Variants in CREB5 observed in about 807,000 individuals in gnomAD.
CREB5 encodes cAMP responsive element binding protein 5.
In CREB5, 19 loss-of-function variants were observed where a neutral mutation model predicts 57.1. The ratio of observed to expected loss-of-function variants is 0.33; its 90% CI spans 0.23 to 0.49. CREB5 has a LOEUF of 0.49. Among genes scored for constraint, CREB5 ranks in the 20% least tolerant of loss-of-function variants. CREB5 has a pLI of 0.99. For synonymous variants in CREB5, 238 were observed against 238.3 expected (o/e 1.00, Z 0.01); for missense variants, 579 against 671.6 (o/e 0.86, Z 1.52).
At chr7:28,369,980 G>A (rs1786673365) in intron 1 of CREB5, among the ~76,000 whole-genome samples, 1 of 152,174 alleles carries the variant, frequency 6.6e-6, no homozygotes, top group Non-Finnish European at 1.5e-5. Flanking sequence ...GAAAACCCTA[G>A]CAGCTACTTT....
At chr7:28,672,367 AT>A (rs1344152696) in intron 5 of CREB5, among the ~76,000 whole-genome samples, 1 of 152,016 alleles carries the variant, frequency 6.6e-6, no homozygotes, top group Non-Finnish European at 1.5e-5. Context: ...ACACATATAA[AT>A]TGGTATTATT....
chr7:28,663,192 G>A (rs1799679775), intron 5 of CREB5, among the ~76,000 whole-genome samples: 1 of 151,706 alleles, frequency 6.6e-6, no homozygotes, highest in Non-Finnish European at 1.5e-5. Flanking sequence ...AAATCTTAGA[G>A]GAAAAGCTCT....
chr7:28,624,592 G>A (rs1797930264), intron 5 of CREB5, among the ~76,000 whole-genome samples: 1 of 149,174 alleles, frequency 6.7e-6, no homozygotes, highest in Admixed American at 6.8e-5. Flanking sequence ...CCTCACCCCA[G>A]TAAATCCTCT....
chr7:28,407,270 C>T (rs113103127), intron 1 of CREB5, among the ~76,000 whole-genome samples: 4 of 152,132 alleles, frequency 2.6e-5, no homozygotes, highest in African/African-American at 9.7e-5. Flanking sequence ...AGGCTGGTCT[C>T]GAACTCCTGA....
At chr7:28,316,134 G>T (rs963138922) in intron 1 of CREB5, among the ~76,000 whole-genome samples, 1 of 152,194 alleles carries the variant, frequency 6.6e-6, no homozygotes, top group Admixed American at 6.5e-5. Flanking sequence ...TTGCGATTCT[G>T]TGGCTTAGTT....
rs751583898 is a variant in CREB5, at chr7:28,819,261, C to T, written c.1509C>T (p.Asp503=). Residue 503 remains aspartate, a synonymous_variant, in exon 11 of 11, where the codon GAC becomes GAT. Transcript: ENST00000357727. ...TLSQLTTHRT[D]LNPIL ...GCCAGCTCACCACTCACAGAACAGA[C>T]CTGAATCCGATTCTTTAAAATGCAC... 41 of 1,613,264 alleles carry T rather than the reference C, an allele frequency of 2.5e-5. No individual in the cohort carries two copies. The highest frequency in any genetic ancestry group is 3.3e-5 in the Non-Finnish European group (39 of 1,179,638).
In CREB5 at chr7:28,560,931, T is replaced by C. The variant is rs1211771000; in HGVS notation, c.292-9434T>C. 4.5e-4 allele frequency among the ~76,000 whole-genome samples: 22 copies of C among 48,546 alleles called. 2 individuals are homozygous for C. The highest frequency in any genetic ancestry group is 3.9e-3 in the East Asian group (7 of 1,796). The allele number at this position is 48,546 out of a possible 152,430, so 31.8% of individuals were successfully genotyped here. On this transcript the variant is annotated intron_variant, in intron 4 of 10. Transcript: ENST00000357727. The stretch of plus-strand genomic sequence containing the variant: ...GTGCGTGTGCGTGTGTGCGCGTGCG[T>C]GTGTGCGTGCGTGTGTGTGCGTGTG...
intron 1 of CREB5, among the ~76,000 whole-genome samples, chr7:28,486,693 T>C (rs1240217841): frequency 7.4e-6 from 1 of 134,922 alleles, no homozygotes; most frequent in African/African-American, 3.0e-5. Context: ...TATATATATA[T>C]GTTACTGTGT....
chr7:28,720,361 T>C (rs1486605696), intron 6 of CREB5, among the ~76,000 whole-genome samples: 1 of 152,220 alleles, frequency 6.6e-6, no homozygotes, highest in Non-Finnish European at 1.5e-5. Flanking sequence ...CCTGTGGGGA[T>C]ACAGTAGCAG....
chr7:28,459,524 C>A (rs978739951), intron 1 of CREB5, among the ~76,000 whole-genome samples: 26 of 152,160 alleles, frequency 1.7e-4, no homozygotes, highest in Admixed American at 1.4e-3. Flanking sequence ...GGAATCTTGC[C>A]ATTATGAGTT....
At chr7:28,468,760 G>T (rs1454944081) in intron 1 of CREB5, among the ~76,000 whole-genome samples, 1 of 152,188 alleles carries the variant, frequency 6.6e-6, no homozygotes, top group Non-Finnish European at 1.5e-5. Flanking sequence ...TCAACCGCGT[G>T]CTAAATGCTT....
chr7:28,400,413 C>T (rs1262492987), intron 1 of CREB5, among the ~76,000 whole-genome samples: 1 of 152,136 alleles, frequency 6.6e-6, no homozygotes. Flanking sequence ...TCTTTCCTTC[C>T]CTTCAGACTT....
At chr7:28,576,744 T>C (rs577992528) in intron 5 of CREB5, among the ~76,000 whole-genome samples, 5 of 152,354 alleles carry the variant, frequency 3.3e-5, no homozygotes, top group African/African-American at 1.2e-4. Flanking sequence ...TTCCATTTCC[T>C]GAGGGGACAG....
chr7:28,513,837 A>G (rs140829044), intron 4 of CREB5: 149 of 152,324 alleles, frequency 9.8e-4, no homozygotes, highest in African/African-American at 3.5e-3. Flanking sequence ...ATGTGAATGA[A>G]TGTGATCTCA....
chr7:28,331,664 A>T lies in CREB5; in HGVS notation c.-25+32223A>T, dbSNP rs113969760. On this transcript the variant is annotated intron_variant, in intron 1 of 9. Coordinates refer to the CREB5 transcript ENST00000396299. ...CAGGAGTTCGAGACCAGCCTGGCCA[A>T]CATAGTGAAACCTCAACTCTACTAA... Among the ~76,000 whole-genome samples, 1,142 of 152,188 alleles carry T rather than the reference A, an allele frequency of 7.5e-3. 14 individuals carry two copies. The highest frequency in any genetic ancestry group is 0.026 in the African/African-American group (1,084 of 41,522).
intron 1 of CREB5, among the ~76,000 whole-genome samples, chr7:28,310,160 G>A (rs1286181297): frequency 6.6e-6 from 1 of 152,186 alleles, no homozygotes; most frequent in African/African-American, 2.4e-5. Flanking sequence ...AGAGGATGGG[G>A]TGTCCTTGCG....
At chr7:28,698,471 A>G (rs745442993) in intron 5 of CREB5, among the ~76,000 whole-genome samples, 4 of 152,124 alleles carry the variant, frequency 2.6e-5, no homozygotes, top group African/African-American at 4.8e-5. Flanking sequence ...TCCCCTCCCA[A>G]TACTATCCAA....
chr7:28,397,970 A>G (rs978113543), intron 1 of CREB5, among the ~76,000 whole-genome samples: 3 of 152,194 alleles, frequency 2.0e-5, no homozygotes, highest in African/African-American at 7.2e-5. Context: ...TACCATTTTA[A>G]CCATTTAAAA....
chr7:28,806,223 G>A (rs1808724596), intron 8 of CREB5, among the ~76,000 whole-genome samples: 2 of 152,314 alleles, frequency 1.3e-5, no homozygotes, highest in Admixed American at 6.5e-5. Flanking sequence ...GTGGCCAATA[G>A]TATATGCAAT....
Sources: allele counts gnomAD v4.1 joint callset (sites outside exome capture counted in the v4.1 genomes callset), GRCh38; gene constraint gnomAD v4.1.1; transcripts MANE v1.5; gene names NCBI Gene and HGNC (gene_info 2026-07-23, HGNC 2026-07-21).